MARCHF8: variants seen among roughly 807,000 people sequenced by gnomAD.
MARCHF8 encodes the protein E3 ubiquitin-protein ligase MARCHF8.
In MARCHF8, 40 loss-of-function variants were observed where a neutral mutation model predicts 51.6. That is an observed-to-expected ratio of 0.77 (90% CI 0.60 to 1.01). The LOEUF (loss-of-function observed/expected upper bound fraction) is 1.01. Ranked by LOEUF, MARCHF8 falls within the 50% of genes least tolerant of loss-of-function variation. The pLI is 0.00. For missense variants in MARCHF8, 685 were observed against 708.6 expected (o/e 0.97, Z 0.38); for synonymous variants, 263 against 280.3 (o/e 0.94, Z 0.62).
At chr10:45,464,032 TA>T (rs774744055) in intron 4 of MARCHF8, 36 bp from the exon 5 acceptor site, 2 of 1,508,022 alleles carry the variant, frequency 1.3e-6, no homozygotes, top group East Asian at 2.5e-5. Context: ...GCACAGAAAG[TA>T]AAAACAATTT....
At chr10:45,519,798 G>C (rs2043677393) in intron 2 of MARCHF8, among the ~76,000 whole-genome samples, 1 of 152,196 alleles carries the variant, frequency 6.6e-6, no homozygotes, top group South Asian at 2.1e-4. Context: ...TACAGCAGTA[G>C]CACCAGGGCA....
At chr10:45,464,733 C>T (rs1842914496) in intron 3 of MARCHF8, among the ~76,000 whole-genome samples, 1 of 152,184 alleles carries the variant, frequency 6.6e-6, no homozygotes, top group African/African-American at 2.4e-5. Flanking sequence ...TTCCCAAGAT[C>T]AACAAGGCTG....
chr10:45,461,429 C>T lies in MARCHF8; in HGVS notation c.1089-18G>A, dbSNP rs2132919877. ...GGCAGATCCTATGGTGGAAGGAAAA[C>T]CTGTCATTCCAAGGACAGTCCCATG... On this transcript the variant is annotated intron_variant, in intron 5 of 7. Coordinates refer to ENST00000453424, the MANE Select transcript of MARCHF8 (RefSeq NM_001282866.2). 6.6e-7 allele frequency: 1 copy of T among 1,522,664 alleles called. No homozygotes were observed. The highest frequency in any genetic ancestry group is 8.8e-7 in the Non-Finnish European group (1 of 1,134,648). 94.3% of individuals were successfully genotyped at this position (1,522,664 alleles called of 1,614,324 possible).
At chr10:45,578,958 A>C (rs927864784) in intron 1 of MARCHF8, among the ~76,000 whole-genome samples, 2 of 152,230 alleles carry the variant, frequency 1.3e-5, no homozygotes, top group Non-Finnish European at 2.9e-5. Flanking sequence ...TGATAATTTC[A>C]TGGCGATTCA....
At chr10:45,569,103 C>T (rs1248554418) in intron 1 of MARCHF8, among the ~76,000 whole-genome samples, 1 of 148,858 alleles carries the variant, frequency 6.7e-6, no homozygotes, top group Non-Finnish European at 1.5e-5. Context: ...AAAAAAACCA[C>T]ATCATAATGT....
At position 45,467,876 on chromosome 10, in the gene MARCHF8, T is replaced by A. The variant is rs142656087; in HGVS notation, c.154-3549A>T. Among the ~76,000 whole-genome samples the A allele has an allele frequency of 1.4e-3, 208 of 152,208 alleles. 1 individual carries two copies. Among genetic ancestry groups the A allele is most frequent in the African/African-American group, 4.8e-3 (201 of 41,522 alleles). ...AATGTTCATCATGCAAAAATCCAAA[T>A]GTGTCAAGAAAACTTAGGCCCTCTG... On this transcript the variant is annotated intron_variant, in intron 3 of 7. Transcript: ENST00000453424.
chr10:45,580,003 C>CAAAAAAA (rs34446338), intron 1 of MARCHF8, among the ~76,000 whole-genome samples: 19 of 36,462 alleles, frequency 5.2e-4, no homozygotes, highest in Non-Finnish European at 9.1e-4. Flanking sequence ...ACTCCGTCTC[C>CAAAAAAA]AAAAAAAAAA....
In MARCHF8 at chr10:45,565,621, T is replaced by G. The variant is rs1564518220; in HGVS notation, c.-79+28614A>C. Among the ~76,000 whole-genome samples the G allele has an allele frequency of 2.0e-5, 3 of 151,284 alleles. No individual in the cohort carries two copies. In the South Asian group the frequency reaches 6.3e-4, roughly 32 times the overall value. ...ACATGGAATACTAAAAAATATTCAA[T>G]TAGCCCTAAAGTAGAAAAAGAGTAG... On this transcript the variant is annotated intron_variant, in intron 1 of 6. Coordinates refer to the MARCHF8 transcript ENST00000319836.
At chr10:45,525,723 T>C (rs2043780948) in intron 2 of MARCHF8, among the ~76,000 whole-genome samples, 1 of 152,216 alleles carries the variant, frequency 6.6e-6, no homozygotes, top group African/African-American at 2.4e-5. Context: ...ACTCGATCTG[T>C]TGTGATGAAC....
At chr10:45,500,320 T>C (rs957881602) in intron 2 of MARCHF8, among the ~76,000 whole-genome samples, 1 of 152,192 alleles carries the variant, frequency 6.6e-6, no homozygotes, top group African/African-American at 2.4e-5. Flanking sequence ...AGTCTGATTT[T>C]TTGTTTGTTT....
At chr10:45,475,886 C>A (rs188325027) in intron 3 of MARCHF8, among the ~76,000 whole-genome samples, 20 of 152,310 alleles carry the variant, frequency 1.3e-4, no homozygotes, top group African/African-American at 4.8e-4. Context: ...AACCTGGTAT[C>A]CCTGTCCCCA....
intron 1 of MARCHF8, among the ~76,000 whole-genome samples, chr10:45,578,811 T>C (rs538396163): frequency 6.6e-6 from 1 of 152,258 alleles, no homozygotes; most frequent in East Asian, 1.9e-4. Context: ...AATCTAACCA[T>C]GAGGAAATTT....
intron 2 of MARCHF8, among the ~76,000 whole-genome samples, chr10:45,530,803 A>C (rs1411770998): frequency 1.3e-5 from 2 of 152,174 alleles, no homozygotes; most frequent in Non-Finnish European, 2.9e-5. Flanking sequence ...AACAAAAATG[A>C]AAATAAAACT....
Position 45,480,909 on chromosome 10 carries a change from T to C in MARCHF8, c.153+8458A>G, listed in dbSNP as rs2133042293. ...CCTCCCAACTCCAGAATGGTGTATC[T>C]ACTAACAGCTTGCACCATGCACCTG... On this transcript the variant is annotated intron_variant, in intron 3 of 7. Coordinates refer to ENST00000453424, the MANE Select transcript of MARCHF8 (RefSeq NM_001282866.2). 1.3e-5 allele frequency among the ~76,000 whole-genome samples: 2 copies of C among 152,286 alleles called. 1 individual carries two copies. The highest frequency in any genetic ancestry group is 4.1e-4 in the South Asian group (2 of 4,830).
intron 1 of MARCHF8, among the ~76,000 whole-genome samples, chr10:45,570,950 T>C (rs570306335): frequency 1.2e-4 from 18 of 152,276 alleles, no homozygotes; most frequent in South Asian, 1.0e-3. Flanking sequence ...AATGAAGATA[T>C]ATACCATGTT....
At chr10:45,464,903 TGAGGTA>T (rs1251155599) in intron 3 of MARCHF8, among the ~76,000 whole-genome samples, 1 of 152,218 alleles carries the variant, frequency 6.6e-6, no homozygotes, top group African/African-American at 2.4e-5. Context: ...AACCAGGGGC[TGAGGTA>T]GAGCACAGAA....
At chr10:45,568,937 C>T (rs2044397642) in intron 1 of MARCHF8, among the ~76,000 whole-genome samples, 1 of 148,510 alleles carries the variant, frequency 6.7e-6, no homozygotes, top group South Asian at 2.1e-4. Context: ...TGGTAGTGGG[C>T]GCCTGTAGTC....
chr10:45,586,962 C>A (rs2133439252), intron 1 of MARCHF8, among the ~76,000 whole-genome samples: 1 of 151,020 alleles, frequency 6.6e-6, no homozygotes, highest in Non-Finnish European at 1.5e-5. Flanking sequence ...TTTATTAAGT[C>A]CAATTTAACA....
chr10:45,555,658 C>T (rs927420962), intron 1 of MARCHF8, among the ~76,000 whole-genome samples: 1 of 150,560 alleles, frequency 6.6e-6, no homozygotes. Flanking sequence ...GCAGGAGGAT[C>T]GCTTGAGCCC....
Sources: gnomAD v4.1 joint callset for allele counts (sites outside exome capture counted in the v4.1 genomes callset) on GRCh38, gnomAD v4.1.1 for gene constraint, MANE v1.5 for transcripts, NCBI Gene and HGNC (gene_info 2026-07-23, HGNC 2026-07-21) for gene names.